The following CNTNAP2 variants were observed in gnomAD, a reference collection of about 807,000 sequenced individuals.
CNTNAP2 encodes contactin-associated protein-like 2.
In CNTNAP2, 98 loss-of-function variants were observed where a neutral mutation model predicts 155.2. The ratio of observed to expected loss-of-function variants is 0.63; its 90% confidence interval spans 0.54 to 0.75. The LOEUF is 0.75. CNTNAP2 is among the 30% of genes least tolerant of loss of function. The pLI, the probability that CNTNAP2 is intolerant of heterozygous loss-of-function variation, is 0.00. For missense variants in CNTNAP2, 1,727 were observed against 1,688.1 expected (o/e 1.02, Z -0.40); for synonymous variants, 651 against 631.2 (o/e 1.03, Z -0.47).
At chr7:147,572,053 T>A (rs1800304673) in intron 12 of CNTNAP2, among the ~76,000 whole-genome samples, 1 of 152,192 alleles carries the variant, frequency 6.6e-6, no homozygotes, top group South Asian at 2.1e-4. Context: ...TCAGTATAAA[T>A]CTTTGAATTC....
At chr7:147,538,958 A>G (rs1562987075) in intron 11 of CNTNAP2, among the ~76,000 whole-genome samples, 4 of 152,106 alleles carry the variant, frequency 2.6e-5, no homozygotes, top group Admixed American at 1.3e-4. Context: ...GTTTATTCCA[A>G]GATAGTGAGG....
intron 17 of CNTNAP2, among the ~76,000 whole-genome samples, chr7:148,153,582 G>T (rs1349440453): frequency 1.3e-5 from 2 of 152,186 alleles, no homozygotes; most frequent in Non-Finnish European, 2.9e-5. Flanking sequence ...TCGGACCTGG[G>T]CTGTCCGTGG....
chr7:148,239,851 G>GC (rs1182822495), intron 20 of CNTNAP2, among the ~76,000 whole-genome samples: 4 of 152,142 alleles, frequency 2.6e-5, no homozygotes, highest in Non-Finnish European at 4.4e-5. Context: ...TGAAGATCCT[G>GC]CTGAAGAAGA....
At chr7:148,196,051 C>T (rs1449747316) in intron 18 of CNTNAP2, among the ~76,000 whole-genome samples, 1 of 152,174 alleles carries the variant, frequency 6.6e-6, no homozygotes, top group South Asian at 2.1e-4. Flanking sequence ...GATCATTGTA[C>T]CGGGTTGCTA....
chr7:147,017,602 T>C (rs1022228563), intron 3 of CNTNAP2, among the ~76,000 whole-genome samples: 1 of 152,030 alleles, frequency 6.6e-6, no homozygotes, highest in African/African-American at 2.4e-5. Context: ...ATGCCAAAGA[T>C]AGGAAATAGT....
chr7:146,864,444 T>G (rs13438695), intron 3 of CNTNAP2, among the ~76,000 whole-genome samples: 12,727 of 152,194 alleles, frequency 0.084, 899 homozygotes, highest in African/African-American at 0.19. Flanking sequence ...TTCATAATGG[T>G]CAACTATAAA....
chr7:147,039,715 G>A (rs1217013625), intron 3 of CNTNAP2, among the ~76,000 whole-genome samples: 1 of 152,114 alleles, frequency 6.6e-6, no homozygotes, highest in Non-Finnish European at 1.5e-5. Flanking sequence ...GGGTCAAATG[G>A]TAGTTTTTCT....
chr7:146,132,881 A>C (rs866271781), intron 1 of CNTNAP2, among the ~76,000 whole-genome samples: 3 of 149,262 alleles, frequency 2.0e-5, no homozygotes, highest in East Asian at 3.9e-4. Context: ...ATACATGTGC[A>C]TGTGTCTTTA....
rs1191683512 is a variant in CNTNAP2 at position 148,415,560 on chromosome 7, A to G, written c.3940A>G (p.Asn1314Asp). The G allele has an allele frequency of 2.5e-6, 4 of 1,614,234 alleles. No individual in the cohort carries two copies. The highest frequency in any genetic ancestry group is 3.4e-6 in the Non-Finnish European group (4 of 1,180,046). The change falls in exon 24 of 24, where the codon AAC becomes GAC. Residue 1314 changes from asparagine to aspartate, a missense_variant. Coordinates refer to ENST00000361727, the MANE Select transcript of CNTNAP2 (RefSeq NM_014141.6). ...GAGCGCGGACGCCGCCATCATGAACAACGACCCCAACTTCACAGAGACCAT... is the reference window on the plus strand; with the variant it reads ...GAGCGCGGACGCCGCCATCATGAACGACGACCCCAACTTCACAGAGACCAT... ...AESADAAIMN[N>D]DPNFTETIDE... is the part of the protein sequence containing the mutation.
At chr7:146,638,487 TTTTTTTTTTTTC>T (rs1799645106) in intron 1 of CNTNAP2, among the ~76,000 whole-genome samples, 2 of 116,820 alleles carry the variant, frequency 1.7e-5, no homozygotes, top group South Asian at 3.5e-4. Flanking sequence ...TTTTTTTTTT[TTTTTTTTTTTTC>T]TTTGAGATGG....
chr7:147,287,065 G>C (rs565391540), intron 8 of CNTNAP2, among the ~76,000 whole-genome samples: 52 of 152,262 alleles, frequency 3.4e-4, no homozygotes, highest in African/African-American at 9.9e-4. Flanking sequence ...ATCTCAATGG[G>C]TATGGGGACC....
At chr7:147,565,032 C>T (rs1385096709) in intron 12 of CNTNAP2, among the ~76,000 whole-genome samples, 1 of 152,100 alleles carries the variant, frequency 6.6e-6, no homozygotes, top group East Asian at 1.9e-4. Context: ...TGGGCTATTC[C>T]ATTTTCAAGA....
At chr7:146,478,570 T>G (rs1434791228) in intron 1 of CNTNAP2, among the ~76,000 whole-genome samples, 1 of 151,798 alleles carries the variant, frequency 6.6e-6, no homozygotes, top group Non-Finnish European at 1.5e-5. Context: ...TCCGCACCAT[T>G]GAGTCATCTA....
Position 146,993,942 on chromosome 7 carries a change from CAAGT to C in CNTNAP2, c.403-49961_403-49958del, listed in dbSNP as rs1584771687. On this transcript the variant is annotated intron_variant, in intron 3 of 23. Coordinates refer to ENST00000361727, the MANE Select transcript of CNTNAP2 (RefSeq NM_014141.6). ...AATACCACTTTGAACTGCTCTAAAT[CAAGT>C]AAGCCAGAATGTGTCTGGCAGCTGA... Among the ~76,000 whole-genome samples the C allele has an allele frequency of 3.3e-5, 5 of 152,224 alleles. No individual in the cohort carries two copies. The East Asian group carries it at 9.7e-4, about 30-fold the overall frequency.
chr7:146,885,926 TCGG>T (rs1231960449), intron 3 of CNTNAP2, among the ~76,000 whole-genome samples: 44 of 117,306 alleles, frequency 3.8e-4, no homozygotes, highest in African/African-American at 1.4e-3. Context: ...TATATGTAAG[TCGG>T]TGTGTGTGTG....
chr7:148,055,930 C>T (rs529086884), intron 15 of CNTNAP2, among the ~76,000 whole-genome samples: 3 of 152,152 alleles, frequency 2.0e-5, no homozygotes, highest in South Asian at 2.1e-4. Context: ...AGCCAAGGTT[C>T]GGGGCTCATT....
chr7:146,653,877 G>A (rs941039905), intron 1 of CNTNAP2, among the ~76,000 whole-genome samples: 1 of 152,068 alleles, frequency 6.6e-6, no homozygotes, highest in Non-Finnish European at 1.5e-5. Flanking sequence ...TATTTGCTAG[G>A]ATCACATAAC....
At chr7:146,685,885 A>G (rs1212130589) in intron 1 of CNTNAP2, among the ~76,000 whole-genome samples, 1 of 152,218 alleles carries the variant, frequency 6.6e-6, no homozygotes, top group African/African-American at 2.4e-5. Flanking sequence ...CATTCAGTCT[A>G]TATCTCTACA....
intron 8 of CNTNAP2, among the ~76,000 whole-genome samples, chr7:147,268,634 A>T (rs907180631): frequency 2.0e-5 from 3 of 152,042 alleles, no homozygotes; most frequent in African/African-American, 7.2e-5. Flanking sequence ...TGTTCTGCAC[A>T]TGTATCCTAG....
Sources: allele counts gnomAD v4.1 joint callset (sites outside exome capture counted in the v4.1 genomes callset), GRCh38; gene constraint gnomAD v4.1.1; transcripts MANE v1.5; gene names NCBI Gene and HGNC (gene_info 2026-07-23, HGNC 2026-07-21).